The following SHKBP1 variants were observed in gnomAD, a reference collection of about 807,000 sequenced individuals.
SHKBP1 encodes the protein SH3KBP1 binding protein 1.
In SHKBP1, 71 loss-of-function variants were observed where a neutral mutation model predicts 83.9. The ratio of observed to expected loss-of-function variants is 0.85; its 90% CI spans 0.70 to 1.03. The LOEUF (loss-of-function observed/expected upper bound fraction) is 1.03, where lower values mean the gene tolerates loss of function less well. Among genes scored for constraint, SHKBP1 ranks in the 50% least tolerant of loss-of-function variants. The pLI, the probability that SHKBP1 is intolerant of heterozygous loss-of-function variation, is 0.00. For synonymous variants in SHKBP1, 371 were observed against 398.0 expected (o/e 0.93, Z 0.81); for missense variants, 824 against 982.4 (o/e 0.84, Z 2.16).
At chr19:40,579,363 G>A (rs1256659423) in intron 6 of SHKBP1, among the ~76,000 whole-genome samples, 2 of 152,076 alleles carry the variant, frequency 1.3e-5, no homozygotes, top group Non-Finnish European at 2.9e-5. Flanking sequence ...CCCAAACATA[G>A]CAGTGTTATT....
At chr19:40,578,730 C>T (rs1405852147) in intron 6 of SHKBP1, among the ~76,000 whole-genome samples, 188 bp downstream of exon 6, 1 of 152,118 alleles carries the variant, frequency 6.6e-6, no homozygotes, top group Non-Finnish European at 1.5e-5. Context: ...AGACAATGGG[C>T]CAGCTAACTC....
rs765164051 is a variant in SHKBP1 at position 40,590,791 on chromosome 19, G to A, written c.1830G>A (p.Pro610=). 1.7e-5 allele frequency: 27 copies of A among 1,602,320 alleles called. No individual in the cohort carries two copies. The Middle Eastern group carries it at 6.6e-4, about 39-fold the overall frequency. ...EQLEHCELAP[P]APSAPSWGCL... Reference sequence around the variant, plus strand: ...TGGAACACTGTGAGCTGGCCCCGCCGGCTCCTTCAGCTCCCTCATGGGGCT... The same window carrying A: ...TGGAACACTGTGAGCTGGCCCCGCCAGCTCCTTCAGCTCCCTCATGGGGCT... The change falls in exon 17 of 18, where the codon CCG becomes CCA. Residue 610 remains proline (P), a synonymous_variant. Coordinates refer to ENST00000291842, the MANE Select transcript of SHKBP1 (RefSeq NM_138392.4). This position sits in a 1 kb window ranked among gnomAD's most constrained non-coding sequence, Gnocchi z 4.6.
In SHKBP1 at chr19:40,588,693, C is replaced by T; in HGVS notation, c.1406C>T (p.Pro469Leu). 6.2e-7 allele frequency: 1 copy of T among 1,614,200 alleles called. No individual in the cohort carries two copies. The highest frequency in any genetic ancestry group is 8.5e-7 in the Non-Finnish European group (1 of 1,180,024). The change falls in exon 14 of 18, where the codon CCC (proline) becomes CTC (leucine). Residue 469 changes from proline to leucine, a missense_variant. Pro to Leu is a moderately conservative substitution (Grantham distance 98, BLOSUM62 -3). Transcript: ENST00000291842. ...TRFRGMISTQ[P>L]GSTPLASFKI... ...TTCCGCGGCATGATTTCCACCCAGC[C>T]CGGCTCCACCCCACTCGCTTCCTTT... is the stretch of plus-strand genomic sequence containing the variant.
Position 40,577,585 on chromosome 19 carries a change from T to C in SHKBP1, c.215T>C (p.Phe72Ser), listed in dbSNP as rs779647962. The change falls in exon 4 of 18, where the codon TTC becomes TCC. Residue 72 changes from phenylalanine to serine, a missense_variant. Phe to Ser is a radical substitution (Grantham distance 155, BLOSUM62 -2). Around this residue, in one of 3 missense-constraint regions of SHKBP1, gnomAD observed 355 missense variants for 386.4 expected, o/e 0.92. Coordinates refer to ENST00000291842, the MANE Select transcript of SHKBP1 (RefSeq NM_138392.4). ...TTCATCGACAGGGACCCTACAGTCT[T>C]CGCCCCCATCCTCAACTTCCTGCGC... ...AIFIDRDPTVFAPILNFLRTK... is the reference protein window; with the variant it reads ...AIFIDRDPTVSAPILNFLRTK... 3 of 1,614,034 alleles carry C rather than the reference T, an allele frequency of 1.9e-6. No homozygotes were observed. The highest frequency in any genetic ancestry group is 2.5e-6 in the Non-Finnish European group (3 of 1,179,982).
chr19:40,581,178 T>G (rs887443366), intron 9 of SHKBP1, among the ~76,000 whole-genome samples: 18 of 152,134 alleles, frequency 1.2e-4, no homozygotes, highest in Non-Finnish European at 2.4e-4. Context: ...TTAGATCTCT[T>G]GGTTTTGTTA....
intron 4 of SHKBP1, 159 bp from the exon 5 acceptor site, chr19:40,577,994 CA>C (rs1194689125): frequency 1.5e-5 from 10 of 682,290 alleles, no homozygotes; most frequent in African/African-American, 3.6e-5. Context: ...CACACACACT[CA>C]ACATTTCCTC....
Position 40,591,187 on chromosome 19 carries a change from C to T in SHKBP1, c.2104C>T (p.Leu702Phe). The T allele has an allele frequency of 6.3e-7, 1 of 1,587,548 alleles. No individual in the cohort carries two copies. Among genetic ancestry groups the T allele is most frequent in the Non-Finnish European group, 8.6e-7 (1 of 1,159,436 alleles). Residue 702 changes from leucine to phenylalanine, a missense_variant, in exon 18 of 18, where the codon CTC becomes TTC. By Grantham distance (22) the Leu-to-Phe change is conservative. Around this residue, in one of 3 missense-constraint regions of SHKBP1, gnomAD observed 287 missense variants for 322.9 expected, o/e 0.89. Transcript: ENST00000291842. ...TCCCCTCACACCTCCCAAGATGAAG[C>T]TCAATGAAACTTCCTTTTGAACAAC... ...GTPLTPPKMK[L>F]NETSF is the part of the protein sequence containing the mutation.
rs922251522 is a variant in SHKBP1 at position 40,577,035 on chromosome 19, G to T, written c.86+50G>T. On this transcript the variant is annotated intron_variant, in intron 1 of 17. Coordinates refer to ENST00000291842, the MANE Select transcript of SHKBP1 (RefSeq NM_138392.4). ...CCCATCCTCGGGGGCGGGAAGCGGG[G>T]TGGGAGTATCCGCCTCTCCTGGGGG... The T allele has an allele frequency of 8.8e-6, 12 of 1,367,370 alleles. No individual in the cohort carries two copies. The African/African-American group carries it at 1.5e-4, about 17-fold the overall frequency. 84.7% of individuals were successfully genotyped at this position (1,367,370 alleles called of 1,614,324 possible).
At chr19:40,580,233 G>A (rs181730629) in intron 6 of SHKBP1, 91 bp from the exon 7 acceptor site, 2 of 1,438,764 alleles carry the variant, frequency 1.4e-6, no homozygotes, top group Non-Finnish European at 1.9e-6. Context: ...TCCCACACAT[G>A]GGGAAATCAA....
intron 5 of SHKBP1, 61 bp downstream of exon 5, chr19:40,578,273 C>G: frequency 6.5e-7 from 1 of 1,549,328 alleles, no homozygotes; most frequent in Non-Finnish European, 8.9e-7. Context: ...GTGATGCTAC[C>G]TGCCCCTCTT....
At chr19:40,589,835 G>T (rs1011193716) in intron 15 of SHKBP1, among the ~76,000 whole-genome samples, 2 of 152,076 alleles carry the variant, frequency 1.3e-5, no homozygotes, top group Non-Finnish European at 2.9e-5. Context: ...TGAGGATGGG[G>T]TGCAGATGCG....
At chr19:40,588,892 G>A in intron 14 of SHKBP1, 113 bp downstream of exon 14, 3 of 1,441,394 alleles carry the variant, frequency 2.1e-6, no homozygotes, top group Admixed American at 2.0e-5. Flanking sequence ...AACGATTGGG[G>A]TGTCCTGATC....
In SHKBP1 at chr19:40,590,844, C is replaced by A. The variant is rs116054173; in HGVS notation, c.1883C>A (p.Ser628Tyr). 1,150 of 1,582,350 alleles carry A rather than the reference C, an allele frequency of 7.3e-4. 8 individuals are homozygous for A. In the African/African-American group the frequency reaches 0.014, roughly 19 times the overall value. Reference sequence around the variant, plus strand: ...CTCCCCAGCCCCTCACCCCGCATCTCCCTCACCAGGTAGCCACAACTCCAC... The same window carrying A: ...CTCCCCAGCCCCTCACCCCGCATCTACCTCACCAGGTAGCCACAACTCCAC... Reference protein sequence around the residue: ...GCLPSPSPRISLTSLHSASSN... With the variant: ...GCLPSPSPRIYLTSLHSASSN... Residue 628 changes from serine to tyrosine, a missense_variant, in exon 17 of 18, where the codon TCC becomes TAC. Physicochemically the swap from Ser to Tyr is moderately radical, Grantham distance 144. Transcript: ENST00000291842. The surrounding 1 kb of genome is among the most constrained non-coding windows in gnomAD (Gnocchi z 4.6).
chr19:40,576,942 G>A lies in SHKBP1; in HGVS notation c.43G>A (p.Gly15Arg). 1 of 1,496,944 alleles carries A rather than the reference G, an allele frequency of 6.7e-7. No homozygotes were observed. The highest frequency in any genetic ancestry group is 8.9e-7 in the Non-Finnish European group (1 of 1,127,434). The allele number at this position is 1,496,944 out of a possible 1,614,324, so 92.7% of individuals were successfully genotyped here. The change falls in exon 1 of 18, where the codon GGG (glycine) becomes AGG (arginine). Residue 15 changes from glycine (G) to arginine (R), a missense_variant. Gly to Arg is a moderately radical substitution (Grantham distance 125). Transcript: ENST00000291842. Reference protein sequence around the residue: ...ATAAEGVPSRGPPGEVIHLNV... With the variant: ...ATAAEGVPSRRPPGEVIHLNV... ...TGCAGCCGAGGGGGTCCCCAGTCGG[G>A]GGCCTCCCGGGGAAGTCATTCATCT...
rs1438295060 is a variant in SHKBP1 at position 40,580,955 on chromosome 19, T to C, written c.844+19T>C. 2.0e-6 allele frequency: 3 copies of C among 1,515,240 alleles called. No individual in the cohort carries two copies. Among genetic ancestry groups the C allele is most frequent in the Non-Finnish European group, 2.6e-6 (3 of 1,133,404 alleles). The allele number at this position is 1,515,240 out of a possible 1,614,324, so 93.9% of individuals were successfully genotyped here. ...GAGATAGGTATGACCCCAAGCCTTT[T>C]CCAGAACCCTCTGTCCTTTAAATTC... On this transcript the variant is annotated intron_variant, in intron 9 of 17. Coordinates refer to ENST00000291842, the MANE Select transcript of SHKBP1 (RefSeq NM_138392.4).
At chr19:40,584,431 G>A (rs1015675824) in intron 12 of SHKBP1, among the ~76,000 whole-genome samples, 5 of 152,136 alleles carry the variant, frequency 3.3e-5, no homozygotes, top group African/African-American at 7.2e-5. Flanking sequence ...TTTTTGAGAC[G>A]TAATTCTCAT....
chr19:40,583,847 A>T (rs140012629), intron 12 of SHKBP1, 130 bp downstream of exon 12: 1 of 663,050 alleles, frequency 1.5e-6, no homozygotes. Flanking sequence ...ACTCTCTCTC[A>T]TTTTTTTTTC....
At position 40,582,361 on chromosome 19, in the gene SHKBP1, T is replaced by A; in HGVS notation, c.855T>A (p.His285Gln). 3 of 1,614,098 alleles carry A rather than the reference T, an allele frequency of 1.9e-6. No homozygotes were observed. Among genetic ancestry groups the A allele is most frequent in the Non-Finnish European group, 2.5e-6 (3 of 1,179,988 alleles). The change falls in exon 10 of 18, where the codon CAT becomes CAA. Residue 285 changes from histidine (H) to glutamine (Q), a missense_variant. This residue lies in a region of SHKBP1 where 355 missense variants were observed against 386.4 expected (regional missense o/e 0.92). Transcript: ENST00000291842. ...EGGGSEIGVF[H>Q]LGVPVEALFF... ...TTTTGCCCACTGCAGGGGTCTTTCA[T>A]CTGGGGGTGCCTGTGGAGGCCTTGT...
intron 14 of SHKBP1, 115 bp downstream of exon 14, chr19:40,588,894 G>A (rs912856806): frequency 6.1e-5 from 87 of 1,429,634 alleles, no homozygotes; most frequent in Non-Finnish European, 7.8e-5. Context: ...CGATTGGGGT[G>A]TCCTGATCCT....
Sources: allele counts gnomAD v4.1 joint callset (sites outside exome capture counted in the v4.1 genomes callset), GRCh38; gene constraint gnomAD v4.1.1; regional missense constraint gnomAD v4.1.1; non-coding constraint Gnocchi (gnomAD v3.1); transcripts MANE v1.5; gene names NCBI Gene and HGNC (gene_info 2026-07-23, HGNC 2026-07-21).